Variants in KSR1 observed in about 807,000 individuals in gnomAD.
KSR1 encodes kinase suppressor of ras 1.
Under a neutral mutation model 92.9 loss-of-function variants are expected in KSR1, and 35 were observed. The ratio of observed to expected loss-of-function variants is 0.38; its 90% CI spans 0.29 to 0.50. The LOEUF (loss-of-function observed/expected upper bound fraction) is 0.50, where lower values mean the gene tolerates loss of function less well. Among genes scored for constraint, KSR1 ranks in the 20% least tolerant of loss-of-function variants. The pLI is 0.94. For synonymous variants in KSR1, 467 were observed against 472.6 expected, an observed-to-expected ratio of 0.99 and a Z score of 0.15; for missense variants, 972 against 1,158.5, an observed-to-expected ratio of 0.84 and a Z score of 2.34.
chr17:27,533,521 C>G (rs2070630970), intron 1 of KSR1, among the ~76,000 whole-genome samples: 1 of 151,946 alleles, frequency 6.6e-6, no homozygotes, highest in African/African-American at 2.4e-5. Flanking sequence ...GTAGCTGGGA[C>G]TACAGATGCA....
chr17:27,511,453 G>T (rs1417628152), intron 1 of KSR1, among the ~76,000 whole-genome samples: 1 of 152,178 alleles, frequency 6.6e-6, no homozygotes, highest in Non-Finnish European at 1.5e-5. Flanking sequence ...AAGGTAGGGA[G>T]GGGGAGCATT....
chr17:27,576,275 C>G (rs2072502512), intron 2 of KSR1, among the ~76,000 whole-genome samples: 1 of 152,062 alleles, frequency 6.6e-6, no homozygotes, highest in African/African-American at 2.4e-5. Context: ...GTTCCAGGAC[C>G]CTCAGTGGAT....
At chr17:27,475,789 A>G (rs534574792) in intron 1 of KSR1, among the ~76,000 whole-genome samples, 1 of 152,324 alleles carries the variant, frequency 6.6e-6, no homozygotes, top group South Asian at 2.1e-4. Context: ...TTGGCAGACC[A>G]TGGCACAGCA....
intron 2 of KSR1, among the ~76,000 whole-genome samples, chr17:27,564,043 C>T (rs1394288592): frequency 8.9e-6 from 1 of 112,468 alleles, no homozygotes; most frequent in African/African-American, 3.5e-5. Context: ...GGCTGGAGTG[C>T]AATGGCACGA....
intron 1 of KSR1, among the ~76,000 whole-genome samples, chr17:27,522,159 G>A (rs1476603149): frequency 6.6e-6 from 1 of 152,128 alleles, no homozygotes; most frequent in Non-Finnish European, 1.5e-5. Flanking sequence ...TGAGCCCGGT[G>A]GAGTGTCTCT....
chr17:27,537,089 TCCTACATAG>T (rs1182847147), intron 1 of KSR1, among the ~76,000 whole-genome samples: 3 of 152,194 alleles, frequency 2.0e-5, no homozygotes, highest in African/African-American at 7.2e-5. Context: ...AAATGCAAGA[TCCTACATAG>T]CCTGCTTTAC....
At chr17:27,466,580 ACAATC>A (rs2019708735) in intron 1 of KSR1, among the ~76,000 whole-genome samples, 1 of 152,222 alleles carries the variant, frequency 6.6e-6, no homozygotes, top group African/African-American at 2.4e-5. Flanking sequence ...TGGGCAGAAA[ACAATC>A]CAAGAGAAAT....
At chr17:27,457,852 T>G (rs1218153634) in intron 1 of KSR1, among the ~76,000 whole-genome samples, 2 of 152,128 alleles carry the variant, frequency 1.3e-5, no homozygotes, top group African/African-American at 4.8e-5. Flanking sequence ...TCTGGCCTCC[T>G]GCAGGTCTGG....
At chr17:27,546,312 C>T (rs1404610419) in intron 1 of KSR1, among the ~76,000 whole-genome samples, 1 of 152,156 alleles carries the variant, frequency 6.6e-6, no homozygotes, top group African/African-American at 2.4e-5. Context: ...TTGGAGGTCT[C>T]CATGCTGTAG....
At position 27,582,935 on chromosome 17, in the gene KSR1, C is replaced by T. The variant is rs1300866425; in HGVS notation, c.810C>T (p.Thr270=). ...CCCGTGCCCTGCACAGCTTCATCAC[C>T]CCGCCCACCACACCCCAGCTGCGAC... ...LTPRALHSFI[T]PPTTPQLRRH... Residue 270 remains threonine (T), a synonymous_variant, in exon 4 of 21, where the codon ACC becomes ACT. Transcript: ENST00000644974. The T allele has an allele frequency of 6.2e-7, 1 of 1,611,284 alleles. No homozygotes were observed. The highest frequency in any genetic ancestry group is 2.2e-5 in the East Asian group (1 of 44,788).
chr17:27,496,794 C>T (rs144405026), intron 1 of KSR1, among the ~76,000 whole-genome samples: 1 of 152,284 alleles, frequency 6.6e-6, no homozygotes, highest in African/African-American at 2.4e-5. Flanking sequence ...CTTTTCAGGC[C>T]GAGTGAAGAT....
chr17:27,611,439 G>T, intron 17 of KSR1, 55 bp from the exon 18 acceptor site: 1 of 1,611,136 alleles, frequency 6.2e-7, no homozygotes, highest in Admixed American at 1.7e-5. Context: ...GGGCCCCTGG[G>T]CTTGAGCTGG....
chr17:27,474,996 C>T (rs1222489670), intron 1 of KSR1, among the ~76,000 whole-genome samples: 1 of 151,990 alleles, frequency 6.6e-6, no homozygotes, highest in Non-Finnish European at 1.5e-5. Flanking sequence ...GGGAGGGGTG[C>T]CTAGATGGTG....
intron 2 of KSR1, among the ~76,000 whole-genome samples, chr17:27,570,425 A>C (rs1293350277): frequency 6.6e-6 from 1 of 152,192 alleles, no homozygotes; most frequent in Non-Finnish European, 1.5e-5. Context: ...CACGCAGGAC[A>C]TGTGTAATAA....
intron 1 of KSR1, among the ~76,000 whole-genome samples, chr17:27,509,322 G>A (rs938062161): frequency 4.0e-5 from 6 of 151,408 alleles, no homozygotes; most frequent in Non-Finnish European, 8.8e-5. Flanking sequence ...ACAGAGTTTC[G>A]CTTTGTTGCC....
intron 1 of KSR1, among the ~76,000 whole-genome samples, chr17:27,481,372 T>C (rs1220211093): frequency 2.0e-5 from 3 of 152,218 alleles, no homozygotes; most frequent in African/African-American, 7.2e-5. Context: ...TGATTTCTTC[T>C]GAAGTCTCTT....
intron 1 of KSR1, among the ~76,000 whole-genome samples, chr17:27,513,759 GGC>G (rs2069687849): frequency 6.6e-6 from 1 of 152,246 alleles, no homozygotes; most frequent in Non-Finnish European, 1.5e-5. Context: ...ACCCCTGCAA[GGC>G]AGAATACGGG....
chr17:27,513,202 ATTGC>A, intron 1 of KSR1, among the ~76,000 whole-genome samples: 1 of 152,086 alleles, frequency 6.6e-6, no homozygotes, highest in Non-Finnish European at 1.5e-5. Context: ...GTTCATTTTC[ATTGC>A]TGTGTGTTAT....
At chr17:27,607,245 G>T (rs974666521) in intron 14 of KSR1, among the ~76,000 whole-genome samples, 1 of 152,148 alleles carries the variant, frequency 6.6e-6, no homozygotes, top group Admixed American at 6.5e-5. Context: ...CCCTTGCCTG[G>T]TTTTCAAAGG....
Sources: allele counts gnomAD v4.1 joint callset (sites outside exome capture counted in the v4.1 genomes callset), GRCh38; gene constraint gnomAD v4.1.1; transcripts MANE v1.5; gene names NCBI Gene and HGNC (gene_info 2026-07-23, HGNC 2026-07-21).